The following OPN5 variants were observed in gnomAD, a reference collection of about 807,000 sequenced individuals.
OPN5 encodes the protein opsin-5.
In OPN5, 18 loss-of-function variants were observed where a neutral mutation model predicts 41.7. The observed-to-expected ratio is 0.43, with a 90% CI of 0.30 to 0.64. The LOEUF (loss-of-function observed/expected upper bound fraction) is 0.64. Ranked by LOEUF, OPN5 falls within the 30% of genes least tolerant of loss-of-function variation. The probability of loss-of-function intolerance (pLI) is 0.13; values close to 1 mark genes in which losing one functional copy is unlikely to be tolerated. For synonymous variants in OPN5, 178 were observed against 164.3 expected (o/e 1.08, Z -0.64); for missense variants, 318 against 434.5 (o/e 0.73, Z 2.38).
rs11284494 is a variant in OPN5 at position 47,822,109 on chromosome 6, CAA to C, written c.1057-1856_1057-1855del. 7.4e-3 allele frequency among the ~76,000 whole-genome samples: 655 copies of C among 89,050 alleles called. 3 individuals are homozygous for C. Among genetic ancestry groups the C allele is most frequent in the African/African-American group, 0.018 (473 of 25,658 alleles). 58.4% of individuals were successfully genotyped at this position (89,050 alleles called of 152,430 possible). A position where few individuals can be genotyped will look rare whatever the true frequency, so the allele number is the denominator to read the frequency against. ...CCTGGGTGACAGTGAGACTCTGTCT[CAA>C]AAAAAAAAAAAAAAAAATGCAGGTG... On this transcript the variant is annotated intron_variant, in intron 6 of 6. Coordinates refer to ENST00000371211, the Ensembl canonical transcript of OPN5.
intron 6 of OPN5, among the ~76,000 whole-genome samples, chr6:47,812,119 G>A (rs188867834): frequency 6.8e-4 from 104 of 152,154 alleles, no homozygotes; most frequent in African/African-American, 2.4e-3. Flanking sequence ...CAGTTTCTGG[G>A]GCTCATTCAG....
At chr6:47,801,201 G>C (rs1031117035) in intron 4 of OPN5, among the ~76,000 whole-genome samples, 1 of 152,184 alleles carries the variant, frequency 6.6e-6, no homozygotes, top group African/African-American at 2.4e-5. Flanking sequence ...TTTGCCACTG[G>C]ACCCTACAGC....
At chr6:47,819,397 T>TATATATATAA (rs1395220856) in intron 6 of OPN5, among the ~76,000 whole-genome samples, 3 of 127,192 alleles carry the variant, frequency 2.4e-5, no homozygotes, top group African/African-American at 8.3e-5. Context: ...TATATATATA[T>TATATATATAA]ATAAAACAGT....
In OPN5 at chr6:47,811,737, A is replaced by C; in HGVS notation, c.1056+6A>C. ...TGCTGGAAATTCATGAAGAGGTATG[A>C]AGATGGATACAGCATCACTATGGAC... On this transcript the variant is annotated splice_donor_region_variant and intron_variant, in intron 6 of 6. Transcript: ENST00000371211. 1 of 1,602,240 alleles carries C rather than the reference A, an allele frequency of 6.2e-7. No homozygotes were observed. Among genetic ancestry groups the C allele is most frequent in the Non-Finnish European group, 8.6e-7 (1 of 1,169,432 alleles).
intron 5 of OPN5, among the ~76,000 whole-genome samples, chr6:47,808,852 G>T (rs1392444950): frequency 1.3e-5 from 2 of 152,272 alleles, no homozygotes; most frequent in Middle Eastern, 3.4e-3. Context: ...TGACATTTCT[G>T]CTCTGTGCCA....
At chr6:47,800,326 A>G (rs936800855) in intron 4 of OPN5, among the ~76,000 whole-genome samples, 1 of 152,108 alleles carries the variant, frequency 6.6e-6, no homozygotes, top group African/African-American at 2.4e-5. Flanking sequence ...TTGCTATGCA[A>G]TGGGTGCTTG....
intron 1 of OPN5, 147 bp downstream of exon 1, chr6:47,782,343 T>C: frequency 1.6e-6 from 1 of 630,152 alleles, no homozygotes. Flanking sequence ...AATGGCATTA[T>C]GGCATTCAAT....
intron 2 of OPN5, among the ~76,000 whole-genome samples, chr6:47,788,030 CAG>C (rs1773246565): frequency 6.6e-6 from 1 of 152,220 alleles, no homozygotes; most frequent in African/African-American, 2.4e-5. Context: ...TGTGCTTACT[CAG>C]AGTTTGGATG....
intron 6 of OPN5, among the ~76,000 whole-genome samples, chr6:47,816,903 G>T (rs1762443547): frequency 6.6e-6 from 1 of 152,074 alleles, no homozygotes; most frequent in African/African-American, 2.4e-5. Context: ...TTCCAAGCGG[G>T]TTTTGTAGTG....
intron 4 of OPN5, among the ~76,000 whole-genome samples, chr6:47,807,704 C>T (rs1397713254): frequency 6.6e-6 from 1 of 152,034 alleles, no homozygotes; most frequent in Non-Finnish European, 1.5e-5. Flanking sequence ...AATTTCTGAA[C>T]ATGCAAATTA....
chr6:47,795,389 A>AG lies in OPN5; in HGVS notation c.587dup (p.Gln197ProfsTer31). On this transcript the variant is annotated frameshift_variant, in exon 4 of 7. Transcript: ENST00000371211. LOFTEE classifies it high-confidence loss of function. Reference sequence around the variant, plus strand: ...ACTGGTGGCTGGCCCAGGCCTCGGTAGGGGGCCAGGTTTTCATCCTGAACA... The same window carrying AG: ...ACTGGTGGCTGGCCCAGGCCTCGGTAGGGGGGCCAGGTTTTCATCCTGAACA... The AG allele has an allele frequency of 6.2e-7, 1 of 1,614,108 alleles. No homozygotes were observed.
intron 6 of OPN5, among the ~76,000 whole-genome samples, chr6:47,813,875 G>A (rs926489434): frequency 6.6e-6 from 1 of 152,038 alleles, no homozygotes; most frequent in Non-Finnish European, 1.5e-5. Flanking sequence ...TGTAGATAAC[G>A]GTGTCTACCG....
intron 6 of OPN5, among the ~76,000 whole-genome samples, chr6:47,814,877 T>TTG (rs1276459387): frequency 1.3e-5 from 2 of 152,122 alleles, no homozygotes; most frequent in Non-Finnish European, 2.9e-5. Context: ...GCCCAGTGCC[T>TTG]GATGCATAAA....
intron 4 of OPN5, among the ~76,000 whole-genome samples, chr6:47,802,205 T>TA (rs1478368029): frequency 6.6e-6 from 1 of 152,186 alleles, no homozygotes; most frequent in African/African-American, 2.4e-5. Flanking sequence ...AAACTAATGA[T>TA]ATGGCATCTA....
intron 4 of OPN5, among the ~76,000 whole-genome samples, chr6:47,804,305 A>G (rs1773880061): frequency 6.6e-6 from 1 of 152,154 alleles, no homozygotes; most frequent in Admixed American, 6.6e-5. Context: ...GATAAAAGTG[A>G]AGTAATTAAA....
At chr6:47,808,133 T>C in intron 4 of OPN5, 21 bp from the exon 5 acceptor site, 1 of 1,613,588 alleles carries the variant, frequency 6.2e-7, no homozygotes, top group Non-Finnish European at 8.5e-7. Context: ...GATTCTTTTC[T>C]CTGTTGCTTT....
chr6:47,815,970 AC>A (rs1399796329), intron 6 of OPN5, among the ~76,000 whole-genome samples: 1 of 152,166 alleles, frequency 6.6e-6, no homozygotes, highest in African/African-American at 2.4e-5. Context: ...TGACAAATAT[AC>A]CCTCACATGC....
intron 6 of OPN5, among the ~76,000 whole-genome samples, chr6:47,819,720 C>A (rs1762544304): frequency 6.6e-6 from 1 of 151,906 alleles, no homozygotes; most frequent in Non-Finnish European, 1.5e-5. Context: ...GGTTTTATTT[C>A]TAATGCAAAC....
chr6:47,810,548 CT>C (rs149730967), intron 5 of OPN5, among the ~76,000 whole-genome samples: 7,653 of 148,034 alleles, frequency 0.052, 257 homozygotes, highest in South Asian at 0.12. Context: ...TATCCTTATT[CT>C]TTTCTTTTCT....
Sources: gnomAD v4.1 joint callset for allele counts (sites outside exome capture counted in the v4.1 genomes callset) on GRCh38, gnomAD v4.1.1 for gene constraint, MANE v1.5 for transcripts, NCBI Gene and HGNC (gene_info 2026-07-23, HGNC 2026-07-21) for gene names.